Variants in ZMYM3 observed in about 807,000 individuals in gnomAD.
The protein encoded by ZMYM3 is zinc finger MYM-type containing 3, also known as zinc finger MYM-type protein 3.
In ZMYM3, 6 loss-of-function variants were observed where a neutral mutation model predicts 94.2. The observed-to-expected ratio is 0.06, with a 90% CI of 0.03 to 0.13. The LOEUF (loss-of-function observed/expected upper bound fraction) is 0.13, where lower values mean the gene tolerates loss of function less well. Among genes scored for constraint, ZMYM3 ranks in the 10% least tolerant of loss-of-function variants. The pLI, the probability that ZMYM3 is intolerant of heterozygous loss-of-function variation, is 1.00. For missense variants in ZMYM3, 664 were observed against 1,132.6 expected (o/e 0.59, Z 5.94); for synonymous variants, 420 against 426.5 (o/e 0.98, Z 0.19).
chrX:71,252,900 T>C lies in ZMYM3; in HGVS notation c.356A>G (p.Gln119Arg). ...ATCAGGTGGTACCACCTCAGGGGTC[T>C]GGCCCCCTGGTCCAGGCTCTAGGGT... is the stretch of plus-strand genomic sequence containing the variant. ...DQTLEPGPGG[Q>R]TPEVVPPDPG... is the part of the protein sequence containing the mutation. The change falls in exon 2 of 25, where the codon CAG (glutamine) becomes CGG (arginine). Residue 119 changes from glutamine to arginine, a missense_variant. Physicochemically the swap from Gln to Arg is conservative, Grantham distance 43. Coordinates refer to ENST00000314425, the MANE Select transcript of ZMYM3 (RefSeq NM_201599.3). 1.7e-6 allele frequency: 2 copies of C among 1,210,680 alleles called. No individual in the cohort carries two copies. The highest frequency in any genetic ancestry group is 3.5e-5 in the South Asian group (2 of 56,733).
Position 71,246,467 on chromosome X carries a change from G to A in ZMYM3, c.2458C>T (p.Pro820Ser), listed in dbSNP as rs764536182. Residue 820 changes from proline (P) to serine (S), a missense_variant, in exon 15 of 25, where the codon CCC becomes TCC. Around this residue, in one of 9 missense-constraint regions of ZMYM3, gnomAD observed 57 missense variants for 52.0 expected, o/e 1.10. Coordinates refer to ENST00000314425, the MANE Select transcript of ZMYM3 (RefSeq NM_201599.3). ...CGGGGTGTTGCTGGGGGTGGTGGGG[G>A]TGGAGGGGTGGGAGCAGTGGGAGCT... is the stretch of plus-strand genomic sequence containing the variant. Reference protein sequence around the residue: ...RSAPTAPTPPPPPPPATPRKN... With the variant: ...RSAPTAPTPPSPPPPATPRKN... The A allele has an allele frequency of 1.7e-6, 2 of 1,148,553 alleles. No homozygotes were observed. Among genetic ancestry groups the A allele is most frequent in the African/African-American group, 1.8e-5 (1 of 54,674 alleles). The allele number at this position is 1,148,553 out of a possible 1,213,427, so 94.7% of individuals were successfully genotyped here.
In ZMYM3 at chrX:71,248,813, A is replaced by G. The variant is rs1453157242; in HGVS notation, c.1622-12T>C. On this transcript the variant is annotated splice_polypyrimidine_tract_variant and intron_variant, in intron 8 of 24. Coordinates refer to ENST00000314425, the MANE Select transcript of ZMYM3 (RefSeq NM_201599.3). Reference sequence around the variant, plus strand: ...GGGTCGGGGAGGGCCTGGGGCATAGAGAGAAAGAGAGAGAGGAAAAGAGAA... The same window carrying G: ...GGGTCGGGGAGGGCCTGGGGCATAGGGAGAAAGAGAGAGAGGAAAAGAGAA... 1.6e-5 allele frequency: 18 copies of G among 1,158,809 alleles called. No homozygotes were observed. Among genetic ancestry groups the G allele is most frequent in the Non-Finnish European group, 2.1e-5 (18 of 857,672 alleles).
chrX:71,243,034 G>A lies in ZMYM3; in HGVS notation c.3483C>T (p.Tyr1161=), dbSNP rs757104013. The change falls in exon 22 of 25, where the codon TAC becomes TAT. Residue 1161 remains tyrosine, a synonymous_variant. Coordinates refer to ENST00000314425, the MANE Select transcript of ZMYM3 (RefSeq NM_201599.3). ...RMVNIFTDLY[Y]LTFVQELNKS... ...TGTTGAGTTCTTGAACAAAAGTCAG[G>A]TAGTAAAGGTCCGTGAAAATGTTCA... 4 of 1,209,728 alleles carry A rather than the reference G, an allele frequency of 3.3e-6. No individual in the cohort carries two copies. Among genetic ancestry groups the A allele is most frequent in the Admixed American group, 2.2e-5 (1 of 45,671 alleles).
chrX:71,249,547 T>A lies in ZMYM3; in HGVS notation c.1384A>T (p.Thr462Ser), dbSNP rs2030351565. 2 of 1,209,065 alleles carry A rather than the reference T, an allele frequency of 1.7e-6. No homozygotes were observed. Among genetic ancestry groups the A allele is most frequent in the African/African-American group, 3.5e-5 (2 of 57,708 alleles). ...AGGAGCTCAGGGCCAGGACTCCCGG[T>A]CTTGGTGTAGATGTAAGCCCCACAC... ...DQCGAYIYTK[T>S]GSPGPELLFH... The change falls in exon 7 of 25, where the codon ACC becomes TCC. Residue 462 changes from threonine to serine, a missense_variant. Physicochemically the swap from Thr to Ser is moderately conservative, Grantham distance 58. Transcript: ENST00000314425.
rs150626789 is a variant in ZMYM3, at chrX:71,244,978, C to G, written c.3008-85G>C. ...CTGCCCCACCCCTGCTACTTGCCCACTTGACACTAGATGAGCCAAAGGAAC... is the reference window on the plus strand; with the variant it reads ...CTGCCCCACCCCTGCTACTTGCCCAGTTGACACTAGATGAGCCAAAGGAAC... On this transcript the variant is annotated intron_variant, in intron 18 of 24. Coordinates refer to ENST00000314425, the MANE Select transcript of ZMYM3 (RefSeq NM_201599.3). 2.3e-3 allele frequency: 1,835 copies of G among 809,616 alleles called. 21 individuals are homozygous for G. In the African/African-American group the frequency reaches 0.034, roughly 15 times the overall value. The allele number at this position is 809,616 out of a possible 1,213,427, so 66.7% of individuals were successfully genotyped here. A position where few individuals can be genotyped will look rare whatever the true frequency, so the allele number is the denominator to read the frequency against.
intron 4 of ZMYM3, 38 bp from the exon 5 acceptor site, chrX:71,250,764 A>G: frequency 8.8e-7 from 1 of 1,135,349 alleles, no homozygotes. Context: ...AAAGGCCACC[A>G]AACCAGGTCT....
intron 15 of ZMYM3, 24 bp downstream of exon 15, chrX:71,246,329 T>C (rs1363441245): frequency 8.3e-7 from 1 of 1,210,416 alleles, no homozygotes; most frequent in Non-Finnish European, 1.1e-6. Context: ...ATACAGCCTG[T>C]GGCATCGAGG....
intron 2 of ZMYM3, among the ~76,000 whole-genome samples, 155 bp downstream of exon 2, chrX:71,252,434 A>C (rs1602368887): frequency 7.7e-5 from 4 of 51,824 alleles, no homozygotes; most frequent in African/African-American, 1.6e-4. Flanking sequence ...ACACCACCCC[A>C]CTCCTCCCTC....
intron 13 of ZMYM3, among the ~76,000 whole-genome samples, 166 bp downstream of exon 13, chrX:71,247,179 C>A (rs1224491713): frequency 8.9e-6 from 1 of 111,845 alleles, no homozygotes; most frequent in Non-Finnish European, 1.9e-5. Flanking sequence ...AAGACTCCCC[C>A]GGTACCTGCA....
rs763597363 is a variant in ZMYM3 at position 71,244,808 on chromosome X, A to T, written c.3093T>A (p.Leu1031=). Residue 1031 remains leucine, a synonymous_variant, in exon 19 of 25, where the codon CTT becomes CTA. Coordinates refer to ENST00000314425, the MANE Select transcript of ZMYM3 (RefSeq NM_201599.3). ...GCCCTACCTTCCTCATGGTTCGGGG[A>T]AGGTCTTGTTCAGTAGACACATCCT... is the stretch of plus-strand genomic sequence containing the variant. ...GPEDVSTEQD[L]PRTMRKGQKR... is the part of the protein sequence containing the mutation. 15 of 1,206,780 alleles carry T rather than the reference A, an allele frequency of 1.2e-5. No individual in the cohort carries two copies. Among genetic ancestry groups the T allele is most frequent in the Non-Finnish European group, 1.7e-5 (15 of 892,539 alleles).
At chrX:71,243,427 G>C (rs958057285) in intron 21 of ZMYM3, among the ~76,000 whole-genome samples, 12 of 111,363 alleles carry the variant, frequency 1.1e-4, no homozygotes, top group African/African-American at 3.9e-4. Context: ...TGGGCTTAAA[G>C]ATTACAAAGG....
At chrX:71,248,400 G>A in intron 10 of ZMYM3, 38 bp downstream of exon 10, 1 of 1,199,949 alleles carries the variant, frequency 8.3e-7, no homozygotes, top group Non-Finnish European at 1.1e-6. Context: ...AGACAGTCTG[G>A]TCGTGTGGCA....
At chrX:71,245,576 C>T in intron 17 of ZMYM3, 91 bp from the exon 18 acceptor site, 1 of 1,158,193 alleles carries the variant, frequency 8.6e-7, no homozygotes, top group Non-Finnish European at 1.2e-6. Flanking sequence ...TCCTCCCATT[C>T]TACTAGGCAC....
chrX:71,242,861 C>A, intron 22 of ZMYM3, 109 bp downstream of exon 22: 10 of 726,820 alleles, frequency 1.4e-5, no homozygotes, highest in Non-Finnish European at 2.1e-5. Flanking sequence ...ACGCTCCTGC[C>A]CTCGGGCCCT....
rs1330793527 is a variant in ZMYM3, at chrX:71,240,971, G to A, written c.4058C>T (p.Ala1353Val). ...MLESMLNRIL[A>V]VREIYEELGR... ...CAGTTCCTCATAAATCTCGCGCACA[G>A]CCAGGATGCGATTGAGCATGCTCTC... is the stretch of plus-strand genomic sequence containing the variant. The change falls in exon 25 of 25, where the codon GCT becomes GTT. Residue 1353 changes from alanine (A) to valine (V), a missense_variant. Physicochemically the swap from Ala to Val is moderately conservative, Grantham distance 64 (BLOSUM62 0). This residue lies in a region of ZMYM3 where 58 missense variants were observed against 112.4 expected (regional missense o/e 0.52). Transcript: ENST00000314425. The A allele has an allele frequency of 1.7e-6, 2 of 1,209,632 alleles. No homozygotes were observed. The highest frequency in any genetic ancestry group is 2.2e-5 in the Admixed American group (1 of 45,660).
rs2029884278 is a variant in ZMYM3, at chrX:71,239,758, A to G, written c.*1158T>C. 1 of 113,093 alleles carries G rather than the reference A, an allele frequency of 8.8e-6. No individual in the cohort carries two copies. Among genetic ancestry groups the G allele is most frequent in the South Asian group, 3.7e-4 (1 of 2,723 alleles). The allele number at this position is 113,093 out of a possible 1,213,427, so 9.3% of individuals were successfully genotyped here. A position where few individuals can be genotyped will look rare whatever the true frequency, so the allele number is the denominator to read the frequency against. ...GGCCAGGCGCCTCAGAACAATATAT[A>G]CAATTTAAACAGTGGCTAACTGGTG... On this transcript the variant is annotated 3_prime_UTR_variant, in exon 25 of 25. Transcript: ENST00000314425.
Position 71,243,593 on chromosome X carries a change from G to A in ZMYM3, c.3432+236C>T, listed in dbSNP as rs2030036701. On this transcript the variant is annotated intron_variant, in intron 21 of 24. Transcript: ENST00000314425. ...GGGGACAAGATGAGGAACAGGGAGTGCAACAGAATAACTGCTTTTTTTTTT... is the reference window on the plus strand; with the variant it reads ...GGGGACAAGATGAGGAACAGGGAGTACAACAGAATAACTGCTTTTTTTTTT... The A allele has an allele frequency of 1.8e-5, 7 of 386,809 alleles. No homozygotes were observed. In the South Asian group the frequency reaches 3.7e-4, roughly 21 times the overall value. 31.9% of individuals were successfully genotyped at this position (386,809 alleles called of 1,213,427 possible). A position where few individuals can be genotyped will look rare whatever the true frequency, so the allele number is the denominator to read the frequency against.
At chrX:71,251,531 G>C in intron 3 of ZMYM3, 27 bp downstream of exon 3, 2 of 1,178,817 alleles carry the variant, frequency 1.7e-6, no homozygotes, top group South Asian at 1.9e-5. Flanking sequence ...GGGGGAACCA[G>C]ACTCCTTCCA....
intron 10 of ZMYM3, 52 bp from the exon 11 acceptor site, chrX:71,248,364 C>A (rs1397515239): frequency 8.4e-7 from 1 of 1,192,083 alleles, no homozygotes; most frequent in Non-Finnish European, 1.1e-6. Context: ...CTGGCCCCAG[C>A]AGGGGCCAAG....
Sources: allele counts gnomAD v4.1 joint callset (sites outside exome capture counted in the v4.1 genomes callset), GRCh38; gene constraint gnomAD v4.1.1; regional missense constraint gnomAD v4.1.1; transcripts MANE v1.5; gene names NCBI Gene and HGNC (gene_info 2026-07-23, HGNC 2026-07-21).